Variants in IFT88 observed in about 807,000 individuals in gnomAD.
The protein encoded by IFT88 is intraflagellar transport protein 88 homolog.
A neutral mutation model predicts 119.5 loss-of-function variants in IFT88; 74 were observed. That is an observed-to-expected ratio of 0.62 (90% confidence interval 0.51 to 0.75). IFT88 has a LOEUF of 0.75. Ranked by LOEUF, IFT88 falls within the 30% of genes least tolerant of loss-of-function variation. The pLI is 0.00. For missense variants in IFT88, 961 were observed against 977.7 expected (o/e 0.98, Z 0.23); for synonymous variants, 279 against 316.7 (o/e 0.88, Z 1.26).
At chr13:20,618,720 G>A (rs1321422148) in intron 14 of IFT88, among the ~76,000 whole-genome samples, 2 of 152,022 alleles carry the variant, frequency 1.3e-5, no homozygotes, top group African/African-American at 2.4e-5. Flanking sequence ...TGGAAATTAC[G>A]CATAATTCAA....
chr13:20,626,045 T>C (rs2047258792), intron 15 of IFT88, among the ~76,000 whole-genome samples, 196 bp downstream of exon 15: 1 of 5,634 alleles, frequency 1.8e-4, no homozygotes, highest in African/African-American at 4.6e-4. Context: ...TGTCGTTTCT[T>C]TTTTTTTTTT....
chr13:20,689,172 T>C (rs1232967844), intron 24 of IFT88, among the ~76,000 whole-genome samples: 1 of 152,198 alleles, frequency 6.6e-6, no homozygotes, highest in Non-Finnish European at 1.5e-5. Context: ...GACCTCGTGA[T>C]CTGCCTGCCT....
chr13:20,684,460 T>C (rs1433607341), intron 24 of IFT88, among the ~76,000 whole-genome samples: 1 of 152,226 alleles, frequency 6.6e-6, no homozygotes, highest in Non-Finnish European at 1.5e-5. Flanking sequence ...CTTCTTCCTC[T>C]GATTCCTCCT....
At chr13:20,583,167 GT>G (rs1435066917) in intron 3 of IFT88, 148 bp downstream of exon 3, 3 of 521,146 alleles carry the variant, frequency 5.8e-6, no homozygotes, top group Non-Finnish European at 1.0e-5. Context: ...ATCTTCAGAA[GT>G]TTTTCATCTT....
At chr13:20,641,432 A>T in intron 18 of IFT88, 34 bp downstream of exon 18, 1 of 1,220,232 alleles carries the variant, frequency 8.2e-7, no homozygotes, top group Non-Finnish European at 1.2e-6. Context: ...GACAGTTATT[A>T]ATTCTCTCAA....
At chr13:20,672,637 G>A (rs1167324858) in intron 24 of IFT88, among the ~76,000 whole-genome samples, 1 of 152,224 alleles carries the variant, frequency 6.6e-6, no homozygotes, top group Non-Finnish European at 1.5e-5. Flanking sequence ...GGGGCCAGGT[G>A]TGTTGTGGAA....
At chr13:20,656,316 TGTTA>T (rs765342156) in intron 21 of IFT88, 45 bp from the exon 22 acceptor site, 1 of 795,552 alleles carries the variant, frequency 1.3e-6, no homozygotes, top group East Asian at 2.8e-5. Context: ...TTCTGAATCC[TGTTA>T]GTTTCTATAA....
Position 20,644,898 on chromosome 13 carries a change from A to C in IFT88, c.1889A>C (p.Tyr630Ser). Reference protein sequence around the residue: ...IEVIEWLGAYYIDTQFWEKAI... With the variant: ...IEVIEWLGAYSIDTQFWEKAI... ...GTCATTGAGTGGCTTGGAGCCTATT[A>C]CATTGACACCCAATTTTGGGAAAAA... Residue 630 changes from tyrosine (Y) to serine (S), a missense_variant, in exon 20 of 26, where the codon TAC becomes TCC. Transcript: ENST00000351808. The C allele has an allele frequency of 6.2e-7, 1 of 1,607,320 alleles. No individual in the cohort carries two copies. The highest frequency in any genetic ancestry group is 8.5e-7 in the Non-Finnish European group (1 of 1,175,296).
At chr13:20,638,067 G>T (rs748371318) in intron 16 of IFT88, among the ~76,000 whole-genome samples, 3 of 152,276 alleles carry the variant, frequency 2.0e-5, no homozygotes, top group Non-Finnish European at 4.4e-5. Context: ...CAATTTGGGC[G>T]TTGAGTATGG....
intron 24 of IFT88, among the ~76,000 whole-genome samples, chr13:20,689,088 C>T (rs2058234262): frequency 6.6e-6 from 1 of 152,146 alleles, no homozygotes; most frequent in Admixed American, 6.5e-5. Context: ...TGTGCACCAC[C>T]ACGCCCGGCT....
intron 24 of IFT88, among the ~76,000 whole-genome samples, chr13:20,687,398 G>A (rs1431696550): frequency 7.3e-6 from 1 of 137,110 alleles, no homozygotes. Context: ...AGGCCCAGGT[G>A]CCACACTTTA....
intron 20 of IFT88, among the ~76,000 whole-genome samples, chr13:20,646,609 C>T (rs115468400): frequency 0.014 from 2,071 of 152,146 alleles, 44 homozygotes; most frequent in African/African-American, 0.048. Context: ...TGAGACACCA[C>T]GCCCAGCCTA....
chr13:20,602,525 C>T (rs1170731652), intron 12 of IFT88, among the ~76,000 whole-genome samples: 2 of 152,082 alleles, frequency 1.3e-5, no homozygotes, highest in Non-Finnish European at 2.9e-5. Flanking sequence ...AAGAAACCTC[C>T]AAATCCTTAT....
intron 16 of IFT88, among the ~76,000 whole-genome samples, chr13:20,636,055 C>G (rs1171676165): frequency 2.6e-5 from 4 of 152,106 alleles, no homozygotes; most frequent in Non-Finnish European, 5.9e-5. Flanking sequence ...AGCACAACTC[C>G]CCTAAAAACT....
intron 13 of IFT88, among the ~76,000 whole-genome samples, chr13:20,613,913 G>A (rs1355626424): frequency 6.7e-6 from 1 of 149,484 alleles, no homozygotes; most frequent in African/African-American, 2.5e-5. Context: ...TTATGATTCT[G>A]TTTATATGAA....
At position 20,631,068 on chromosome 13, in the gene IFT88, C is replaced by T. The variant is rs1437825988; in HGVS notation, c.1352C>T (p.Ala451Val). 1.2e-6 allele frequency: 2 copies of T among 1,604,766 alleles called. No individual in the cohort carries two copies. The highest frequency in any genetic ancestry group is 2.7e-5 in the African/African-American group (2 of 74,800). Residue 451 changes from alanine (A) to valine (V), a missense_variant, in exon 16 of 26, where the codon GCA becomes GTA. Coordinates refer to ENST00000351808, the MANE Select transcript of IFT88 (RefSeq NM_006531.5). The part of the protein sequence containing the change: ...LEKKDSRVKS[A>V]AATNLSALYY... ...AAAAAGGACAGTAGAGTGAAAAGTGCAGCTGCAACCAATCTCTCAGCCCTG... is the reference window on the plus strand; with the variant it reads ...AAAAAGGACAGTAGAGTGAAAAGTGTAGCTGCAACCAATCTCTCAGCCCTG...
intron 13 of IFT88, chr13:20,612,108 A>G (rs191298824): frequency 2.4e-4 from 35 of 144,170 alleles, no homozygotes; most frequent in African/African-American, 7.5e-4. Context: ...GAGGTTGTAG[A>G]GTAAAAAAAA....
chr13:20,604,695 C>T (rs896812591), intron 12 of IFT88, among the ~76,000 whole-genome samples: 46 of 152,310 alleles, frequency 3.0e-4, no homozygotes, highest in African/African-American at 1.1e-3. Flanking sequence ...TGGCTTATGC[C>T]TATAGTCCCA....
At chr13:20,602,755 C>T (rs537107252) in intron 12 of IFT88, among the ~76,000 whole-genome samples, 7 of 151,864 alleles carry the variant, frequency 4.6e-5, no homozygotes, top group African/African-American at 1.2e-4. Flanking sequence ...TGGTGGTGGG[C>T]GCCTGTAATC....
Sources: allele counts gnomAD v4.1 joint callset (sites outside exome capture counted in the v4.1 genomes callset), GRCh38; gene constraint gnomAD v4.1.1; transcripts MANE v1.5; gene names NCBI Gene and HGNC (gene_info 2026-07-23, HGNC 2026-07-21).